The following TIAM1 variants were observed in gnomAD, a reference collection of about 807,000 sequenced individuals.
TIAM1 encodes the protein TIAM Rac1 associated GEF 1.
A neutral mutation model predicts 163.5 loss-of-function variants in TIAM1; 65 were observed. The ratio of observed to expected loss-of-function variants is 0.40; its 90% CI spans 0.33 to 0.49. The LOEUF (loss-of-function observed/expected upper bound fraction) is 0.49, where lower values mean the gene tolerates loss of function less well. TIAM1 is among the 20% of genes least tolerant of loss of function. The pLI, the probability that TIAM1 is intolerant of heterozygous loss-of-function variation, is 0.77. For synonymous variants in TIAM1, 833 were observed against 810.1 expected (o/e 1.03, Z -0.48); for missense variants, 1,789 against 2,044.7 (o/e 0.87, Z 2.41).
chr21:31,217,557 T>C lies in TIAM1; in HGVS notation c.2138A>G (p.Asn713Ser), dbSNP rs1052148695. 2.5e-6 allele frequency: 4 copies of C among 1,613,828 alleles called. No individual in the cohort carries two copies. The highest frequency in any genetic ancestry group is 2.2e-5 in the East Asian group (1 of 44,884). ...SKKKQGRPSI[N>S]QVFGEGTEAV... ...TTCATCTGCTCTGGAACCTACCTGA[T>C]TGATGCTTGGCCGTCCCTGCTTCTT... The change falls in exon 9 of 28, where the codon AAT becomes AGT. Residue 713 changes from asparagine (N) to serine (S), a missense_variant. Coordinates refer to ENST00000541036, the MANE Select transcript of TIAM1 (RefSeq NM_001353694.2).
chr21:31,190,277 G>A (rs1231349434), intron 13 of TIAM1, among the ~76,000 whole-genome samples: 1 of 152,112 alleles, frequency 6.6e-6, no homozygotes, highest in Non-Finnish European at 1.5e-5. Context: ...GGGCATGGTG[G>A]CACGTGCCTT....
chr21:31,145,236 G>GT, intron 20 of TIAM1, among the ~76,000 whole-genome samples: 1 of 152,258 alleles, frequency 6.6e-6, no homozygotes, highest in African/African-American at 2.4e-5. Flanking sequence ...CACCACTACC[G>GT]TTAAGACTGT....
intron 2 of TIAM1, among the ~76,000 whole-genome samples, chr21:31,314,068 C>T (rs147899081): frequency 8.5e-5 from 13 of 152,236 alleles, no homozygotes; most frequent in African/African-American, 2.4e-4. Flanking sequence ...GGAAGAATTA[C>T]GCTATGAATT....
intron 2 of TIAM1, among the ~76,000 whole-genome samples, chr21:31,389,206 T>TTTTTATTTTA (rs762275769): frequency 6.6e-6 from 1 of 152,104 alleles, no homozygotes; most frequent in African/African-American, 2.4e-5. Flanking sequence ...TATTTTATTA[T>TTTTTATTTTA]TTTTATTTTA....
chr21:31,241,665 A>G (rs2071183707), intron 6 of TIAM1, among the ~76,000 whole-genome samples: 2 of 152,198 alleles, frequency 1.3e-5, no homozygotes, highest in South Asian at 4.2e-4. Context: ...TTTTAAATGT[A>G]CAATTTAAAC....
At chr21:31,223,062 CCCA>C (rs1332267230) in intron 8 of TIAM1, among the ~76,000 whole-genome samples, 2 of 151,946 alleles carry the variant, frequency 1.3e-5, no homozygotes, top group Non-Finnish European at 2.9e-5. Flanking sequence ...ACTCACCATT[CCCA>C]CCAAGTTTAT....
chr21:31,249,686 C>T (rs1045050985), intron 5 of TIAM1, among the ~76,000 whole-genome samples: 2 of 152,108 alleles, frequency 1.3e-5, no homozygotes, highest in Admixed American at 6.5e-5. Context: ...CCTCTCACTC[C>T]CCCAGAGCAG....
At chr21:31,340,916 A>G (rs2075997332) in intron 1 of TIAM1, among the ~76,000 whole-genome samples, 1 of 152,150 alleles carries the variant, frequency 6.6e-6, no homozygotes, top group Admixed American at 6.5e-5. Flanking sequence ...ATTGGAGGGA[A>G]GAAATGGTAA....
rs185266179 is a variant in TIAM1 at position 31,388,891 on chromosome 21, A to G, written c.-368-49469T>C. Among the ~76,000 whole-genome samples the G allele has an allele frequency of 1.1e-3, 165 of 152,350 alleles. 1 individual carries two copies. The highest frequency in any genetic ancestry group is 3.4e-3 in the Middle Eastern group (1 of 294). On this transcript the variant is annotated intron_variant, in intron 2 of 28. Transcript: ENST00000286827. ...AATTTAAGGTAAAAGCAAGAAGACA[A>G]GGGGAAAGAAGGGGCAACCACGGGC...
At chr21:31,250,222 C>T in intron 5 of TIAM1, among the ~76,000 whole-genome samples, 1 of 150,788 alleles carries the variant, frequency 6.6e-6, no homozygotes, top group East Asian at 1.9e-4. Flanking sequence ...TCAGAAGGAG[C>T]CAGGGCCTCT....
At chr21:31,205,076 A>G (rs974224720) in intron 11 of TIAM1, among the ~76,000 whole-genome samples, 1 of 152,264 alleles carries the variant, frequency 6.6e-6, no homozygotes, top group African/African-American at 2.4e-5. Context: ...AACATAAAAC[A>G]GGAACTTTTT....
intron 15 of TIAM1, among the ~76,000 whole-genome samples, chr21:31,173,404 G>T (rs1030690869): frequency 6.6e-6 from 1 of 151,970 alleles, no homozygotes; most frequent in Non-Finnish European, 1.5e-5. Context: ...TTTATTTTGC[G>T]TTTCAGTCAT....
chr21:31,230,025 A>T (rs1392373708), intron 6 of TIAM1, among the ~76,000 whole-genome samples: 1 of 152,210 alleles, frequency 6.6e-6, no homozygotes, highest in Non-Finnish European at 1.5e-5. Context: ...CGCAGCACTA[A>T]GGAGAGGCTA....
rs2083436421 is a variant in TIAM1 at position 31,152,670 on chromosome 21, T to C, written c.3332A>G (p.Asp1111Gly). Reference protein sequence around the residue: ...TLEDGVRLVPDLEKLEKVDQF... With the variant: ...TLEDGVRLVPGLEKLEKVDQF... ...ATCAACCTTCTCAAGCTTTTCCAAA[T>C]CAGGTACCAGTCTCACTCCATCTTC... is the stretch of plus-strand genomic sequence containing the variant. Residue 1111 changes from aspartate (D) to glycine (G), a missense_variant, in exon 19 of 28, where the codon GAT (aspartate) becomes GGT (glycine). Physicochemically the swap from Asp to Gly is moderately conservative, Grantham distance 94. Coordinates refer to ENST00000541036, the MANE Select transcript of TIAM1 (RefSeq NM_001353694.2). 1 of 1,614,084 alleles carries C rather than the reference T, an allele frequency of 6.2e-7. No individual in the cohort carries two copies.
intron 1 of TIAM1, among the ~76,000 whole-genome samples, chr21:31,342,016 C>G (rs2076035541): frequency 6.6e-6 from 1 of 151,800 alleles, no homozygotes; most frequent in Non-Finnish European, 1.5e-5. Context: ...ATACTACAGT[C>G]TTTAAAAATA....
rs529024401 is a variant in TIAM1 at position 31,179,669 on chromosome 21, C to T, written c.2887+2752G>A. Among the ~76,000 whole-genome samples the T allele has an allele frequency of 1.3e-4, 19 of 151,996 alleles. No homozygotes were observed. The South Asian group carries it at 2.7e-3, about 22-fold the overall frequency. ...AAGGTGAGCGGTCTGAAGGAGGTAA[C>T]GTGGTCAGTTGTAAAGTCCAGTTGT... On this transcript the variant is annotated intron_variant, in intron 15 of 27. Coordinates refer to ENST00000541036, the MANE Select transcript of TIAM1 (RefSeq NM_001353694.2).
rs145196590 is a variant in TIAM1, at chr21:31,401,476, G to C, written c.-368-62054C>G. On this transcript the variant is annotated intron_variant, in intron 2 of 28. Transcript: ENST00000286827. Reference sequence around the variant, plus strand: ...CAATGGTAAACTGTTCCTCTATTGGGATATGGCAGCCATGTCAATCATTGC... The same window carrying C: ...CAATGGTAAACTGTTCCTCTATTGGCATATGGCAGCCATGTCAATCATTGC... 6.7e-3 allele frequency among the ~76,000 whole-genome samples: 1,027 copies of C among 152,262 alleles called. 18 individuals are homozygous for C. The highest frequency in any genetic ancestry group is 0.023 in the African/African-American group (974 of 41,554).
chr21:31,279,188 C>G (rs189924793), intron 2 of TIAM1, among the ~76,000 whole-genome samples: 25 of 151,878 alleles, frequency 1.6e-4, no homozygotes, highest in African/African-American at 5.3e-4. Context: ...TTGAAAAACA[C>G]GAAGGAAAGC....
intron 1 of TIAM1, among the ~76,000 whole-genome samples, chr21:31,526,159 G>A (rs959519690): frequency 6.6e-6 from 1 of 152,178 alleles, no homozygotes; most frequent in African/African-American, 2.4e-5. Flanking sequence ...AGGCAGGGGT[G>A]CCACCCCCAT....
Sources: gnomAD v4.1 joint callset for allele counts (sites outside exome capture counted in the v4.1 genomes callset) on GRCh38, gnomAD v4.1.1 for gene constraint, MANE v1.5 for transcripts, NCBI Gene and HGNC (gene_info 2026-07-23, HGNC 2026-07-21) for gene names.